Variants in BRINP2 observed in about 807,000 individuals in gnomAD.
BRINP2 encodes the protein BMP/retinoic acid inducible neural specific 2, also known as BMP/retinoic acid-inducible neural-specific protein 2.
A neutral mutation model predicts 69.2 loss-of-function variants in BRINP2; 21 were observed. The ratio of observed to expected loss-of-function variants is 0.30; its 90% CI spans 0.22 to 0.44. The LOEUF (loss-of-function observed/expected upper bound fraction) is 0.44. Ranked by LOEUF, BRINP2 falls within the 20% of genes least tolerant of loss-of-function variation. The pLI is 1.00. For synonymous variants in BRINP2, 380 were observed against 394.1 expected, an observed-to-expected ratio of 0.96 and a Z score of 0.42; for missense variants, 877 against 986.0, an observed-to-expected ratio of 0.89 and a Z score of 1.48.
At chr1:177,271,346 A>G (rs1234745401) in intron 4 of BRINP2, among the ~76,000 whole-genome samples, 2 of 152,198 alleles carry the variant, frequency 1.3e-5, no homozygotes, top group East Asian at 3.9e-4. Context: ...GAGAGAAGAG[A>G]TCACTAAAAT....
chr1:177,200,014 G>A (rs528044642), intron 1 of BRINP2, among the ~76,000 whole-genome samples: 79 of 152,170 alleles, frequency 5.2e-4, no homozygotes, highest in African/African-American at 1.8e-3. Context: ...CAGGCCAGGC[G>A]CCAGGTGTGG....
At position 177,185,164 on chromosome 1, in the gene BRINP2, T is replaced by A. The variant is rs367923921; in HGVS notation, c.-77+13432T>A. Among the ~76,000 whole-genome samples the A allele has an allele frequency of 1.8e-4, 27 of 152,058 alleles. No homozygotes were observed. The East Asian group carries it at 5.2e-3, about 29-fold the overall frequency. On this transcript the variant is annotated intron_variant, in intron 1 of 7. Transcript: ENST00000361539. ...TTGGAAAAAAAAAAAGGTTCTGCGA[T>A]TAGAAAAGTTGGAGAACGTGCCCTC...
At chr1:177,193,408 A>G (rs934774707) in intron 1 of BRINP2, among the ~76,000 whole-genome samples, 1 of 152,230 alleles carries the variant, frequency 6.6e-6, no homozygotes, top group African/African-American at 2.4e-5. Context: ...TATCTTATTG[A>G]AAGCAAATGT....
intron 1 of BRINP2, 77 bp from the exon 2 acceptor site, chr1:177,229,724 A>G: frequency 4.6e-6 from 5 of 1,089,176 alleles, no homozygotes; most frequent in Non-Finnish European, 6.4e-6. Context: ...AATGGGCCCA[A>G]CCCAATTATG....
At chr1:177,244,532 A>G (rs1558174122) in intron 2 of BRINP2, among the ~76,000 whole-genome samples, 1 of 152,244 alleles carries the variant, frequency 6.6e-6, no homozygotes. Context: ...CGGGAGGCTA[A>G]GGCAGGAGAA....
chr1:177,278,732 C>T lies in BRINP2; in HGVS notation c.1182C>T (p.Phe394=), dbSNP rs1651588029. The part of the protein sequence containing the change: ...KKTHRILRRL[F]NLCKRCHRQP... ...CCCATCGGATCCTACGCCGGCTCTTCAACCTCTGCAAGCGCTGCCATCGCC... is the reference window on the plus strand; with the variant it reads ...CCCATCGGATCCTACGCCGGCTCTTTAACCTCTGCAAGCGCTGCCATCGCC... Residue 394 remains phenylalanine, a synonymous_variant, in exon 7 of 8, where the codon TTC becomes TTT. Coordinates refer to ENST00000361539, the MANE Select transcript of BRINP2 (RefSeq NM_021165.4). 6.2e-7 allele frequency: 1 copy of T among 1,614,198 alleles called. No individual in the cohort carries two copies. Among genetic ancestry groups the T allele is most frequent in the Non-Finnish European group, 8.5e-7 (1 of 1,180,042 alleles).
intron 6 of BRINP2, 21 bp downstream of exon 6, chr1:177,276,455 C>G (rs1558187473): frequency 1.2e-6 from 2 of 1,604,682 alleles, no homozygotes; most frequent in Non-Finnish European, 1.7e-6. Flanking sequence ...AGAATTCCTC[C>G]CTGTCAATGA....
At chr1:177,188,989 C>T (rs1278621635) in intron 1 of BRINP2, among the ~76,000 whole-genome samples, 1 of 152,042 alleles carries the variant, frequency 6.6e-6, no homozygotes, top group Non-Finnish European at 1.5e-5. Flanking sequence ...ACAAGGTACA[C>T]ACTAATAGTA....
chr1:177,172,430 C>A (rs758063511), intron 1 of BRINP2, among the ~76,000 whole-genome samples: 1 of 152,132 alleles, frequency 6.6e-6, no homozygotes, highest in Admixed American at 6.5e-5. Flanking sequence ...GGTACACTGT[C>A]GAATGCTGCC....
chr1:177,255,014 T>C (rs575907951), intron 2 of BRINP2, among the ~76,000 whole-genome samples: 1 of 152,322 alleles, frequency 6.6e-6, no homozygotes, highest in African/African-American at 2.4e-5. Context: ...CAAATTACAA[T>C]ATAGAACACT....
chr1:177,199,262 C>A (rs1648834559), intron 1 of BRINP2, among the ~76,000 whole-genome samples: 1 of 152,154 alleles, frequency 6.6e-6, no homozygotes, highest in Non-Finnish European at 1.5e-5. Flanking sequence ...GACCTATTTT[C>A]AGTAGGGTGG....
At chr1:177,172,530 G>A (rs1268348998) in intron 1 of BRINP2, among the ~76,000 whole-genome samples, 1 of 152,144 alleles carries the variant, frequency 6.6e-6, no homozygotes, top group Non-Finnish European at 1.5e-5. Context: ...CCAGCACCCT[G>A]TCCAAATCAC....
intron 4 of BRINP2, among the ~76,000 whole-genome samples, chr1:177,267,015 C>T (rs1405052186): frequency 6.6e-6 from 1 of 152,148 alleles, no homozygotes; most frequent in Non-Finnish European, 1.5e-5. Flanking sequence ...GCTTCCCATA[C>T]TGTGGGCAGT....
chr1:177,273,461 C>A, intron 4 of BRINP2, 27 bp from the exon 5 acceptor site: 1 of 1,518,648 alleles, frequency 6.6e-7, no homozygotes, highest in Non-Finnish European at 9.0e-7. Flanking sequence ...GTTATCTAAA[C>A]CCACTCCCTA....
intron 2 of BRINP2, among the ~76,000 whole-genome samples, chr1:177,239,630 T>C (rs1368678811): frequency 2.0e-5 from 3 of 152,202 alleles, no homozygotes; most frequent in African/African-American, 7.2e-5. Flanking sequence ...ATGCAATCTC[T>C]GCTTATTGGT....
rs1650799524 is a variant in BRINP2 at position 177,257,318 on chromosome 1, C to T, written c.603C>T (p.Tyr201=). The stretch of plus-strand genomic sequence containing the variant: ...CCCTGCACCAGCTGGCCGCCTCCTA[C>T]TTCATCGACAGAGAGAGCACGCTGC... The part of the protein sequence containing the change: ...LETLHQLAAS[Y]FIDRESTLRR... Residue 201 remains tyrosine, a synonymous_variant, in exon 4 of 8, where the codon TAC becomes TAT. Transcript: ENST00000361539. 6.2e-7 allele frequency: 1 copy of T among 1,614,056 alleles called. No homozygotes were observed. The highest frequency in any genetic ancestry group is 1.1e-5 in the South Asian group (1 of 91,072).
chr1:177,181,436 C>G (rs1399197860), intron 1 of BRINP2, among the ~76,000 whole-genome samples: 1 of 152,212 alleles, frequency 6.6e-6, no homozygotes, highest in Non-Finnish European at 1.5e-5. Context: ...GCCTGTCCCT[C>G]ACTCCGGTTC....
chr1:177,253,001 A>G (rs1332127251), intron 2 of BRINP2, among the ~76,000 whole-genome samples: 1 of 152,140 alleles, frequency 6.6e-6, no homozygotes, highest in Non-Finnish European at 1.5e-5. Context: ...TGGTGCTGCA[A>G]TAAACATGAG....
intron 5 of BRINP2, among the ~76,000 whole-genome samples, chr1:177,275,893 T>A (rs1388576810): frequency 2.0e-5 from 3 of 152,240 alleles, no homozygotes; most frequent in Admixed American, 6.5e-5. Context: ...GAAATGCTGA[T>A]GTGTAGCCAA....
Sources: allele counts gnomAD v4.1 joint callset (sites outside exome capture counted in the v4.1 genomes callset), GRCh38; gene constraint gnomAD v4.1.1; transcripts MANE v1.5; gene names NCBI Gene and HGNC (gene_info 2026-07-23, HGNC 2026-07-21).